Variants in THSD4 observed in about 807,000 individuals in gnomAD.
THSD4 encodes the protein thrombospondin type-1 domain-containing protein 4.
Under a neutral mutation model 119.0 loss-of-function variants are expected in THSD4, and 69 were observed. That is an observed-to-expected ratio of 0.58 (90% confidence interval 0.48 to 0.71). The LOEUF is 0.71. Ranked by LOEUF, THSD4 falls within the 30% of genes least tolerant of loss-of-function variation. The pLI is 0.00. For synonymous variants in THSD4, 524 were observed against 540.4 expected (o/e 0.97, Z 0.42); for missense variants, 1,393 against 1,391.1 (o/e 1.00, Z -0.02).
chr15:71,754,153 C>T (rs1178490827), intron 14 of THSD4, among the ~76,000 whole-genome samples: 1 of 141,772 alleles, frequency 7.1e-6, no homozygotes, highest in African/African-American at 2.6e-5. Context: ...ATGATTTCGG[C>T]TTACTGCATC....
At chr15:71,630,141 T>TA (rs2050596006) in intron 7 of THSD4, among the ~76,000 whole-genome samples, 1 of 152,140 alleles carries the variant, frequency 6.6e-6, no homozygotes, top group Non-Finnish European at 1.5e-5. Context: ...AGTCCCCCAG[T>TA]AAAAAAAGAA....
chr15:71,293,506 C>T (rs1053059760), intron 6 of THSD4, among the ~76,000 whole-genome samples: 3 of 152,094 alleles, frequency 2.0e-5, no homozygotes, highest in African/African-American at 7.2e-5. Context: ...GGCTGCATAA[C>T]ATGGGCTTAG....
At chr15:71,664,073 C>T (rs1004475073) in intron 8 of THSD4, among the ~76,000 whole-genome samples, 2 of 152,038 alleles carry the variant, frequency 1.3e-5, no homozygotes, top group African/African-American at 4.8e-5. Flanking sequence ...AGCTCTACCT[C>T]CCGGGTTCAC....
rs1297949050 is a variant in THSD4 at position 71,593,462 on chromosome 15, A to C, written c.1153-67068A>C. Among the ~76,000 whole-genome samples, 5 of 3,882 alleles carry C rather than the reference A, an allele frequency of 1.3e-3. 2 individuals are homozygous for C. In the Non-Finnish European group the frequency reaches 0.015, roughly 11 times the overall value. 2.5% of individuals were successfully genotyped at this position (3,882 alleles called of 152,430 possible). On this transcript the variant is annotated intron_variant, in intron 7 of 17. Transcript: ENST00000261862. ...AAAAAAAAAAAAAAAAAAAAAAAAA[A>C]AAAAAAAAAAAACCTGTAAGAAACC... is the stretch of plus-strand genomic sequence containing the variant.
intron 3 of THSD4, among the ~76,000 whole-genome samples, chr15:71,213,374 A>C (rs2043903170): frequency 1.3e-5 from 2 of 152,222 alleles, no homozygotes; most frequent in Non-Finnish European, 2.9e-5. Context: ...GGCACCGAGC[A>C]GGTGCCTGAA....
intron 3 of THSD4, among the ~76,000 whole-genome samples, chr15:71,184,908 C>G (rs1458001319): frequency 1.3e-5 from 2 of 151,736 alleles, no homozygotes; most frequent in Admixed American, 1.3e-4. Context: ...CCCACCCGCT[C>G]CCCAAACCCT....
chr15:71,256,962 C>T (rs2044324823), intron 6 of THSD4, among the ~76,000 whole-genome samples: 2 of 152,136 alleles, frequency 1.3e-5, no homozygotes, highest in African/African-American at 4.8e-5. Flanking sequence ...AAGCAACATC[C>T]AAGGATGGCA....
chr15:71,588,403 A>T (rs2049729069), intron 7 of THSD4, among the ~76,000 whole-genome samples: 1 of 150,198 alleles, frequency 6.7e-6, no homozygotes, highest in South Asian at 2.1e-4. Flanking sequence ...TATTTTTTTT[A>T]ATTTTTAATT....
At chr15:71,341,544 ACT>A (rs1239164266) in intron 6 of THSD4, 1 of 1,610,006 alleles carries the variant, frequency 6.2e-7, no homozygotes, top group African/African-American at 1.3e-5. Flanking sequence ...AATGGTACAC[ACT>A]GTTTCTGTAA....
intron 7 of THSD4, among the ~76,000 whole-genome samples, chr15:71,585,916 A>C (rs1319156191): frequency 6.6e-6 from 1 of 152,148 alleles, no homozygotes; most frequent in Non-Finnish European, 1.5e-5. Flanking sequence ...TGTATTACTT[A>C]GTGCCAGGAT....
intron 6 of THSD4, among the ~76,000 whole-genome samples, chr15:71,363,061 C>A (rs1195011812): frequency 6.6e-6 from 1 of 151,894 alleles, no homozygotes; most frequent in African/African-American, 2.4e-5. Flanking sequence ...CAAAGCCATC[C>A]TGGGCTGCAT....
chr15:71,564,281 G>A (rs1223416665), intron 7 of THSD4, among the ~76,000 whole-genome samples: 1 of 152,204 alleles, frequency 6.6e-6, no homozygotes, highest in Admixed American at 6.5e-5. Context: ...GGTTCCCAGA[G>A]AGGACCATAA....
At chr15:71,482,789 G>T (rs2140671443) in intron 7 of THSD4, among the ~76,000 whole-genome samples, 1 of 151,984 alleles carries the variant, frequency 6.6e-6, no homozygotes, top group Middle Eastern at 3.4e-3. Flanking sequence ...GTTTCACCAT[G>T]TTGGCCAGGC....
At chr15:71,142,985 G>C (rs1301935675) in intron 2 of THSD4, among the ~76,000 whole-genome samples, 2 of 152,196 alleles carry the variant, frequency 1.3e-5, no homozygotes, top group African/African-American at 4.8e-5. Flanking sequence ...CTAATGCCTG[G>C]CATTTAACTG....
At position 71,765,132 on chromosome 15, in the gene THSD4, C is replaced by T; in HGVS notation, c.2702C>T (p.Pro901Leu). Reference sequence around the variant, plus strand: ...TCTGAATGTTCTTTCCTGGAGAAACCCCCCAGCCAGCAATCCTGCCACCTC... The same window carrying T: ...TCTGAATGTTCTTTCCTGGAGAAACTCCCCAGCCAGCAATCCTGCCACCTC... ...DPSECSFLEK[P>L]PSQQSCHLKP... Residue 901 changes from proline to leucine, a missense_variant, in exon 16 of 18, where the codon CCC (proline) becomes CTC (leucine). Pro to Leu is a moderately conservative substitution (Grantham distance 98). Coordinates refer to ENST00000261862, the MANE Select transcript of THSD4 (RefSeq NM_024817.3). 2 of 1,614,172 alleles carry T rather than the reference C, an allele frequency of 1.2e-6. No homozygotes were observed. Among genetic ancestry groups the T allele is most frequent in the Non-Finnish European group, 1.7e-6 (2 of 1,180,022 alleles).
At chr15:71,339,818 G>T (rs1367274619) in intron 6 of THSD4, among the ~76,000 whole-genome samples, 1 of 151,980 alleles carries the variant, frequency 6.6e-6, no homozygotes, top group East Asian at 1.9e-4. Context: ...AGGCTAGAGT[G>T]CAGTGGCGCG....
At chr15:71,354,191 A>C (rs2140410200) in intron 6 of THSD4, among the ~76,000 whole-genome samples, 1 of 152,292 alleles carries the variant, frequency 6.6e-6, no homozygotes, top group South Asian at 2.1e-4. Context: ...TGCTATTGGG[A>C]AGCTGAGGCA....
intron 6 of THSD4, among the ~76,000 whole-genome samples, chr15:71,387,257 A>C (rs2046306356): frequency 6.6e-6 from 1 of 151,928 alleles, no homozygotes; most frequent in South Asian, 2.1e-4. Context: ...TTTGACTGAC[A>C]TTGTTGTCTG....
chr15:71,494,152 C>T (rs2047971844), intron 7 of THSD4, among the ~76,000 whole-genome samples: 1 of 152,140 alleles, frequency 6.6e-6, no homozygotes, highest in Non-Finnish European at 1.5e-5. Flanking sequence ...TACACCTGAA[C>T]CTTTGTAAGT....
Sources: gnomAD v4.1 joint callset for allele counts (sites outside exome capture counted in the v4.1 genomes callset) on GRCh38, gnomAD v4.1.1 for gene constraint, MANE v1.5 for transcripts, NCBI Gene and HGNC (gene_info 2026-07-23, HGNC 2026-07-21) for gene names.